Variants in FAF1 observed in about 807,000 individuals in gnomAD.
The protein encoded by FAF1 is Fas associated factor 1.
In FAF1, 25 loss-of-function variants were observed where a neutral mutation model predicts 92.5. The ratio of observed to expected loss-of-function variants is 0.27; its 90% CI spans 0.20 to 0.38. The LOEUF (loss-of-function observed/expected upper bound fraction) is 0.38, where lower values mean the gene tolerates loss of function less well. FAF1 is among the 10% of genes least tolerant of loss of function. The pLI, the probability that FAF1 is intolerant of heterozygous loss-of-function variation, is 1.00. For synonymous variants in FAF1, 234 were observed against 273.2 expected, an observed-to-expected ratio of 0.86 and a Z score of 1.42; for missense variants, 636 against 793.3, an observed-to-expected ratio of 0.80 and a Z score of 2.38.
At chr1:50,749,607 A>C (rs1659770792) in intron 4 of FAF1, among the ~76,000 whole-genome samples, 1 of 152,160 alleles carries the variant, frequency 6.6e-6, no homozygotes, top group Non-Finnish European at 1.5e-5. Context: ...GCAACACAGC[A>C]AGACACCACC....
At chr1:50,852,151 C>G (rs962660707) in intron 2 of FAF1, among the ~76,000 whole-genome samples, 63 of 152,042 alleles carry the variant, frequency 4.1e-4, no homozygotes, top group Non-Finnish European at 8.8e-4. Context: ...TCAAAAAAAG[C>G]CACAATAGGT....
At chr1:50,689,351 G>A (rs932418570) in intron 7 of FAF1, among the ~76,000 whole-genome samples, 8 of 152,140 alleles carry the variant, frequency 5.3e-5, no homozygotes, top group African/African-American at 1.9e-4. Flanking sequence ...TTCAGAGGCC[G>A]AGGCGGGTGG....
intron 18 of FAF1, among the ~76,000 whole-genome samples, chr1:50,442,640 G>A (rs115553434): frequency 0.012 from 1,898 of 152,260 alleles, 35 homozygotes; most frequent in African/African-American, 0.043. Context: ...CAGCACCTGA[G>A]GCAGGCAATC....
chr1:50,553,010 C>T (rs920589185), intron 13 of FAF1, among the ~76,000 whole-genome samples: 6 of 151,998 alleles, frequency 3.9e-5, no homozygotes, highest in African/African-American at 1.5e-4. Context: ...GGTGAACAGG[C>T]GGGTCTAACA....
At chr1:50,787,694 G>A (rs1204805994) in intron 4 of FAF1, among the ~76,000 whole-genome samples, 2 of 152,152 alleles carry the variant, frequency 1.3e-5, no homozygotes, top group East Asian at 3.8e-4. Flanking sequence ...GTTGTAAAGT[G>A]TGATATGCAA....
chr1:50,781,551 T>C (rs1341107465), intron 4 of FAF1, among the ~76,000 whole-genome samples: 1 of 152,034 alleles, frequency 6.6e-6, no homozygotes, highest in Admixed American at 6.6e-5. Flanking sequence ...CCAACATACT[T>C]ATAGTGGGAG....
At chr1:50,637,447 C>T (rs1375688041) in intron 8 of FAF1, among the ~76,000 whole-genome samples, 8 of 150,332 alleles carry the variant, frequency 5.3e-5, no homozygotes, top group East Asian at 2.0e-4. Flanking sequence ...AGCAAGACTC[C>T]GTCTCAAAAA....
At chr1:50,928,654 G>A (rs2124741413) in intron 1 of FAF1, among the ~76,000 whole-genome samples, 1 of 151,356 alleles carries the variant, frequency 6.6e-6, no homozygotes, top group East Asian at 1.9e-4. Flanking sequence ...ATGATGGCGG[G>A]CGCCTGTAAT....
chr1:50,867,118 A>G (rs1330218372), intron 1 of FAF1, among the ~76,000 whole-genome samples: 2 of 152,240 alleles, frequency 1.3e-5, no homozygotes, highest in Non-Finnish European at 2.9e-5. Flanking sequence ...TGATCCTGGG[A>G]TAACTGGTTA....
Position 50,437,553 on chromosome 1 carries a change from GA to G in FAF1, c.*3886del, listed in dbSNP as rs562587449. 1 of 151,918 alleles carries G rather than the reference GA, an allele frequency of 6.6e-6. No homozygotes were observed. The highest frequency in any genetic ancestry group is 6.6e-5 in the Admixed American group (1 of 15,242). The allele number at this position is 151,918 out of a possible 1,614,324, so 9.4% of individuals were successfully genotyped here. A position where few individuals can be genotyped will look rare whatever the true frequency, so the allele number is the denominator to read the frequency against. On this transcript the variant is annotated 3_prime_UTR_variant, in exon 19 of 19. Coordinates refer to ENST00000396153, the MANE Select transcript of FAF1 (RefSeq NM_007051.3). ...GCAAGTACCAGCATGCCTGGCTAAT[GA>G]AAAGTTTTATTTTTTATTTATTTAT...
chr1:50,615,678 G>T (rs1291495182), intron 8 of FAF1, among the ~76,000 whole-genome samples: 1 of 152,028 alleles, frequency 6.6e-6, no homozygotes, highest in Non-Finnish European at 1.5e-5. Context: ...AGAAATGTCT[G>T]TTTATATCCT....
At chr1:50,856,943 C>T (rs1175856270) in intron 2 of FAF1, among the ~76,000 whole-genome samples, 2 of 151,600 alleles carry the variant, frequency 1.3e-5, no homozygotes, top group African/African-American at 4.8e-5. Flanking sequence ...AAAACAATCT[C>T]AGTTGTCTAT....
intron 18 of FAF1, among the ~76,000 whole-genome samples, chr1:50,459,165 T>A (rs940164487): frequency 2.6e-5 from 4 of 151,978 alleles, no homozygotes; most frequent in Admixed American, 2.6e-4. Flanking sequence ...GTAGAGACGA[T>A]GTATTGCTAC....
chr1:50,807,658 G>A (rs1183385220), intron 2 of FAF1, among the ~76,000 whole-genome samples: 1 of 152,126 alleles, frequency 6.6e-6, no homozygotes, highest in African/African-American at 2.4e-5. Context: ...CAACCAAAGA[G>A]AGGAAAGAAT....
chr1:50,733,931 G>A (rs935894743), intron 6 of FAF1, among the ~76,000 whole-genome samples: 4 of 152,098 alleles, frequency 2.6e-5, no homozygotes, highest in Non-Finnish European at 5.9e-5. Flanking sequence ...TGAGTAGCTC[G>A]GGTTACAGGC....
At chr1:50,723,946 A>G (rs1658517478) in intron 6 of FAF1, among the ~76,000 whole-genome samples, 1 of 151,998 alleles carries the variant, frequency 6.6e-6, no homozygotes, top group Admixed American at 6.6e-5. Context: ...ATGGGGTTTC[A>G]CCATGTTGGG....
At chr1:50,781,136 T>C (rs572781147) in intron 4 of FAF1, 1 of 279,230 alleles carries the variant, frequency 3.6e-6, no homozygotes, top group Non-Finnish European at 7.1e-6. Context: ...TCAATACTCC[T>C]CCGGGTGCCC....
intron 14 of FAF1, 142 bp downstream of exon 14, chr1:50,539,450 T>C (rs1337540096): frequency 1.8e-6 from 1 of 557,064 alleles, no homozygotes; most frequent in African/African-American, 1.9e-5. Flanking sequence ...GCACCTATAT[T>C]TTTTGAAGAC....
At chr1:50,691,425 T>A (rs957194669) in intron 7 of FAF1, among the ~76,000 whole-genome samples, 1 of 151,866 alleles carries the variant, frequency 6.6e-6, no homozygotes, top group African/African-American at 2.4e-5. Context: ...GTGTTATTAG[T>A]AGAGATGGGT....
Sources: gnomAD v4.1 joint callset for allele counts (sites outside exome capture counted in the v4.1 genomes callset) on GRCh38, gnomAD v4.1.1 for gene constraint, MANE v1.5 for transcripts, NCBI Gene and HGNC (gene_info 2026-07-23, HGNC 2026-07-21) for gene names.